COLEC10: variants seen among roughly 807,000 people sequenced by gnomAD.
COLEC10 encodes the protein collectin subfamily member 10.
A neutral mutation model predicts 28.4 loss-of-function variants in COLEC10; 22 were observed. The observed-to-expected ratio is 0.78, with a 90% confidence interval of 0.55 to 1.11. COLEC10 has a LOEUF of 1.11. COLEC10 is among the 50% of genes least tolerant of loss of function. The pLI is 0.00. For synonymous variants in COLEC10, 125 were observed against 116.1 expected (o/e 1.08, Z -0.49); for missense variants, 361 against 344.1 (o/e 1.05, Z -0.39).
At chr8:119,022,130 AT>A (rs1289978325) in intron 2 of COLEC10, among the ~76,000 whole-genome samples, 1 of 152,146 alleles carries the variant, frequency 6.6e-6, no homozygotes, top group Non-Finnish European at 1.5e-5. Flanking sequence ...TAGAAAAAAA[AT>A]GAAAGCTGTA....
chr8:119,003,318 G>T lies in COLEC10; in HGVS notation n.123-6123G>T, dbSNP rs145743282. Reference sequence around the variant, plus strand: ...TGTGGATGGAAATCGTCTGCAAAATGAAGTATACTTTATGCCAAGTTCTAG... The same window carrying T: ...TGTGGATGGAAATCGTCTGCAAAATTAAGTATACTTTATGCCAAGTTCTAG... On this transcript the variant is annotated intron_variant and non_coding_transcript_variant, in intron 1 of 6. Transcript: ENST00000521788. Among the ~76,000 whole-genome samples the T allele has an allele frequency of 5.8e-3, 876 of 152,184 alleles. 7 individuals carry two copies. Among genetic ancestry groups the T allele is most frequent in the African/African-American group, 0.02 (845 of 41,550 alleles).
intron 1 of COLEC10, among the ~76,000 whole-genome samples, chr8:119,085,767 G>A (rs1815469512): frequency 6.6e-6 from 1 of 151,730 alleles, no homozygotes; most frequent in Non-Finnish European, 1.5e-5. Context: ...ACAGGCACCT[G>A]CCACCAGGCC....
At chr8:119,016,991 G>A (rs1814003000) in intron 2 of COLEC10, among the ~76,000 whole-genome samples, 1 of 8,394 alleles carries the variant, frequency 1.2e-4, no homozygotes, top group Middle Eastern at 0.036. Context: ...TGGGATAACA[G>A]GGGTGAGCCA....
At chr8:119,105,297 G>T (rs766217752) in intron 5 of COLEC10, among the ~76,000 whole-genome samples, 12 of 152,150 alleles carry the variant, frequency 7.9e-5, no homozygotes, top group Non-Finnish European at 1.6e-4. Flanking sequence ...AGGGGCAATG[G>T]AAACTCGGGA....
chr8:119,025,898 G>A (rs527258874), intron 2 of COLEC10, among the ~76,000 whole-genome samples: 25 of 152,236 alleles, frequency 1.6e-4, no homozygotes, highest in South Asian at 4.1e-4. Flanking sequence ...CTATAACACA[G>A]CAATTTAGTT....
chr8:118,961,014 A>G, the COLEC10 span, among the ~76,000 whole-genome samples: 4 of 152,204 alleles, frequency 2.6e-5, no homozygotes, highest in African/African-American at 9.6e-5. Flanking sequence ...GATATCTTTA[A>G]GTAGGCATTA....
At chr8:118,993,018 G>A (rs1246748940), upstream of COLEC10, among the ~76,000 whole-genome samples, 1 of 152,200 alleles carries the variant, frequency 6.6e-6, no homozygotes, top group Non-Finnish European at 1.5e-5. Flanking sequence ...ATGGAATTTC[G>A]TGAGTTCCCT....
chr8:119,073,294 G>A (rs1308248272), intron 1 of COLEC10, among the ~76,000 whole-genome samples: 1 of 152,122 alleles, frequency 6.6e-6, no homozygotes, highest in Non-Finnish European at 1.5e-5. Flanking sequence ...TTCTCATTAA[G>A]CATAAAATGA....
chr8:119,004,637 A>C (rs936035194), intron 1 of COLEC10, among the ~76,000 whole-genome samples: 1 of 151,512 alleles, frequency 6.6e-6, no homozygotes, highest in Non-Finnish European at 1.5e-5. Flanking sequence ...ATATCTCCAG[A>C]TATCCAACCC....
intron 2 of COLEC10, among the ~76,000 whole-genome samples, chr8:119,017,057 G>T (rs1205636131): frequency 1.3e-5 from 2 of 152,126 alleles, no homozygotes; most frequent in Non-Finnish European, 2.9e-5. Context: ...AGCATGAAAT[G>T]CTATCTCATT....
chr8:119,107,418 T>C lies in COLEC10; in HGVS notation c.*1227T>C, dbSNP rs1369866856. Among the ~76,000 whole-genome samples the C allele has an allele frequency of 2.0e-5, 3 of 152,150 alleles. No individual in the cohort carries two copies. The highest frequency in any genetic ancestry group is 7.2e-5 in the African/African-American group (3 of 41,432). On this transcript the variant is annotated 3_prime_UTR_variant, in exon 6 of 6. Coordinates refer to ENST00000332843, the MANE Select transcript of COLEC10 (RefSeq NM_006438.5). ...TCACTTGGAATTTAAAAATAAACAG[T>C]TCAAAGATACTCTAGATTATCACCC...
chr8:119,089,902 G>C, intron 2 of COLEC10, 151 bp downstream of exon 2: 1 of 646,732 alleles, frequency 1.5e-6, no homozygotes, highest in Non-Finnish European at 2.8e-6. Flanking sequence ...CTCGCCATCT[G>C]AATGCCCCTC....
intron 2 of COLEC10, among the ~76,000 whole-genome samples, chr8:119,060,528 C>G (rs1814836010): frequency 6.6e-6 from 1 of 152,036 alleles, no homozygotes; most frequent in South Asian, 2.1e-4. Flanking sequence ...CCGTGGACAT[C>G]TAGGGATATC....
chr8:118,976,662 G>T, the COLEC10 span: 2 of 152,122 alleles, frequency 1.3e-5, no homozygotes, highest in East Asian at 3.9e-4. Flanking sequence ...GAAAACCCAG[G>T]CATTACCATT....
At chr8:118,975,230 T>C in the COLEC10 span, among the ~76,000 whole-genome samples, 3 of 152,164 alleles carry the variant, frequency 2.0e-5, no homozygotes, top group South Asian at 6.2e-4. Flanking sequence ...AATATTTAAA[T>C]GGAGTCAGAG....
At chr8:119,089,652 C>T (rs1419135250) in intron 1 of COLEC10, 28 bp from the exon 2 acceptor site, 4 of 1,559,906 alleles carry the variant, frequency 2.6e-6, no homozygotes, top group Non-Finnish European at 3.5e-6. Flanking sequence ...TGAGATGCTT[C>T]ACTCTATCTC....
intron 2 of COLEC10, among the ~76,000 whole-genome samples, chr8:119,033,694 C>G (rs549153088): frequency 6.6e-6 from 1 of 152,094 alleles, no homozygotes; most frequent in South Asian, 2.1e-4. Context: ...AATGAGATAC[C>G]ATTTCATGCC....
At chr8:118,988,477 T>C in the COLEC10 span, among the ~76,000 whole-genome samples, 4 of 152,056 alleles carry the variant, frequency 2.6e-5, no homozygotes, top group Non-Finnish European at 4.4e-5. Context: ...GGGAAAGACA[T>C]CATCAACAGG....
chr8:118,980,454 A>G, the COLEC10 span, among the ~76,000 whole-genome samples: 5 of 151,930 alleles, frequency 3.3e-5, no homozygotes, highest in African/African-American at 9.7e-5. Flanking sequence ...CTTCCTCCCA[A>G]AGGGCTAGGA....
Sources: allele counts gnomAD v4.1 joint callset (sites outside exome capture counted in the v4.1 genomes callset), GRCh38; gene constraint gnomAD v4.1.1; transcripts MANE v1.5; gene names NCBI Gene and HGNC (gene_info 2026-07-23, HGNC 2026-07-21).